The following UST variants were observed in gnomAD, a reference collection of about 807,000 sequenced individuals.
UST encodes uronyl 2-sulfotransferase.
Under a neutral mutation model 45.6 loss-of-function variants are expected in UST, and 21 were observed. The ratio of observed to expected loss-of-function variants is 0.46; its 90% CI spans 0.33 to 0.66. The LOEUF (loss-of-function observed/expected upper bound fraction) is 0.66. Among genes scored for constraint, UST ranks in the 30% least tolerant of loss-of-function variants. The pLI is 0.02. For synonymous variants in UST, 215 were observed against 200.6 expected (o/e 1.07, Z -0.61); for missense variants, 463 against 512.4 (o/e 0.90, Z 0.93).
chr6:149,034,834 T>TTCTC (rs60813679), intron 7 of UST, among the ~76,000 whole-genome samples: 15 of 45,752 alleles, frequency 3.3e-4, no homozygotes, highest in East Asian at 1.5e-3. Context: ...TTCATGCTCA[T>TTCTC]TCTCTCTCTC....
chr6:148,854,684 G>C (rs1778168886), intron 1 of UST, among the ~76,000 whole-genome samples: 1 of 152,082 alleles, frequency 6.6e-6, no homozygotes, highest in South Asian at 2.1e-4. Context: ...AGCTGGGGGA[G>C]GGCTGAGCTT....
chr6:148,881,403 G>A (rs1043230339), intron 1 of UST, among the ~76,000 whole-genome samples: 30 of 152,152 alleles, frequency 2.0e-4, no homozygotes, highest in African/African-American at 7.2e-4. Flanking sequence ...AACAAGGCTG[G>A]AATCAAAACT....
chr6:149,028,043 C>A (rs1164457905), intron 7 of UST, among the ~76,000 whole-genome samples: 1 of 151,972 alleles, frequency 6.6e-6, no homozygotes, highest in Non-Finnish European at 1.5e-5. Flanking sequence ...GGGATTTCAC[C>A]ATGTTCATCA....
chr6:148,940,140 C>T (rs183554377), intron 2 of UST, among the ~76,000 whole-genome samples: 26 of 152,110 alleles, frequency 1.7e-4, no homozygotes, highest in South Asian at 8.3e-4. Flanking sequence ...AAATCGAAAT[C>T]ACAACGAGAT....
chr6:148,918,089 C>T (rs1025965268), intron 2 of UST, among the ~76,000 whole-genome samples: 12 of 152,242 alleles, frequency 7.9e-5, no homozygotes, highest in Non-Finnish European at 1.0e-4. Context: ...CCCAAGCCCT[C>T]GTGGGGTTAA....
At chr6:148,938,644 G>A (rs1780063549) in intron 2 of UST, among the ~76,000 whole-genome samples, 1 of 152,002 alleles carries the variant, frequency 6.6e-6, no homozygotes, top group African/African-American at 2.4e-5. Flanking sequence ...GCTGAATGAA[G>A]GAATCCTTTG....
intron 1 of UST, among the ~76,000 whole-genome samples, chr6:148,781,261 C>T (rs561956070): frequency 1.1e-4 from 17 of 152,210 alleles, no homozygotes; most frequent in East Asian, 1.9e-4. Context: ...AGTGCTATTC[C>T]GGTGAACACG....
intron 7 of UST, among the ~76,000 whole-genome samples, chr6:149,057,030 G>C (rs1365125681): frequency 6.6e-6 from 1 of 152,092 alleles, no homozygotes; most frequent in Admixed American, 6.5e-5. Flanking sequence ...ACTCACCATT[G>C]GTTCACTCAC....
chr6:148,913,021 G>A (rs895476070), intron 2 of UST, among the ~76,000 whole-genome samples: 3 of 152,130 alleles, frequency 2.0e-5, no homozygotes, highest in African/African-American at 7.2e-5. Flanking sequence ...TTAATGCCTG[G>A]TCCCTGTTTC....
intron 1 of UST, among the ~76,000 whole-genome samples, chr6:148,788,288 C>CA (rs1326077483): frequency 6.6e-6 from 1 of 152,040 alleles, no homozygotes; most frequent in Non-Finnish European, 1.5e-5. Flanking sequence ...GAGTATAATT[C>CA]AAGATGAGAT....
intron 1 of UST, among the ~76,000 whole-genome samples, chr6:148,842,146 A>C (rs1777903428): frequency 6.6e-6 from 1 of 152,194 alleles, no homozygotes; most frequent in South Asian, 2.1e-4. Context: ...CTCCCAGAGC[A>C]GCACATAGTG....
chr6:149,014,871 G>A (rs1004609449), intron 5 of UST, among the ~76,000 whole-genome samples: 3 of 152,224 alleles, frequency 2.0e-5, no homozygotes, highest in African/African-American at 4.8e-5. Context: ...TGTATCAGGT[G>A]CCCCATTGTT....
At chr6:148,994,465 G>A (rs1190308633) in intron 5 of UST, among the ~76,000 whole-genome samples, 1 of 152,186 alleles carries the variant, frequency 6.6e-6, no homozygotes, top group East Asian at 1.9e-4. Flanking sequence ...ATTAATGAAA[G>A]TATTCTAGCA....
chr6:148,956,661 C>G (rs1012500299), intron 4 of UST, among the ~76,000 whole-genome samples: 1 of 152,180 alleles, frequency 6.6e-6, no homozygotes, highest in Non-Finnish European at 1.5e-5. Flanking sequence ...CTGCCCAGCT[C>G]CTGACTCGGT....
At position 149,010,895 on chromosome 6, in the gene UST, C is replaced by CAAAAAAAAAA. The variant is rs1172538648; in HGVS notation, c.682-8229_682-8220dup. On this transcript the variant is annotated intron_variant, in intron 5 of 7. Transcript: ENST00000367463. ...AGACAGAGCAAGACTCCGTCTCAAC[C>CAAAAAAAAAA]AAAAAAAAAAAAAAAAAAAAAAAAC... Among the ~76,000 whole-genome samples the CAAAAAAAAAA allele has an allele frequency of 5.1e-3, 331 of 65,428 alleles. 8 individuals carry two copies. The highest frequency in any genetic ancestry group is 0.011 in the African/African-American group (173 of 15,088). 42.9% of individuals were successfully genotyped at this position (65,428 alleles called of 152,430 possible). A position where few individuals can be genotyped will look rare whatever the true frequency, so the allele number is the denominator to read the frequency against.
intron 5 of UST, 129 bp downstream of exon 5, chr6:148,964,692 G>C (rs1244664260): frequency 1.6e-6 from 2 of 1,234,214 alleles, no homozygotes; most frequent in African/African-American, 3.0e-5. Flanking sequence ...CGCAGAGAGG[G>C]TGCTTCCGCA....
rs869151182 is a variant in UST, at chr6:148,790,008, T to TC, written c.247+42333dup. ...AGGATTCTTTTTTTTTTTTTTTTTT[T>TC]CCAGCTTTAAGTGCCTATCCTTTTT... On this transcript the variant is annotated intron_variant, in intron 1 of 7. Transcript: ENST00000367463. The surrounding 1 kb of genome is among the most constrained non-coding windows in gnomAD (Gnocchi z 4.2). 7.0e-6 allele frequency among the ~76,000 whole-genome samples: 1 copy of TC among 143,246 alleles called. No individual in the cohort carries two copies. Among genetic ancestry groups the TC allele is most frequent in the East Asian group, 1.9e-4 (1 of 5,166 alleles). 94.0% of individuals were successfully genotyped at this position (143,246 alleles called of 152,430 possible). A position where few individuals can be genotyped will look rare whatever the true frequency, so the allele number is the denominator to read the frequency against.
intron 1 of UST, among the ~76,000 whole-genome samples, chr6:148,838,220 G>A (rs963749558): frequency 6.6e-6 from 1 of 152,138 alleles, no homozygotes; most frequent in Non-Finnish European, 1.5e-5. Flanking sequence ...GCCTGAGGGC[G>A]GGGTGAGAGG....
chr6:148,837,689 T>G (rs1057247973), intron 1 of UST, among the ~76,000 whole-genome samples: 1 of 143,168 alleles, frequency 7.0e-6, no homozygotes, highest in African/African-American at 2.6e-5. Flanking sequence ...AGGTCCCTCT[T>G]TTTTTTTTTT....
Sources: gnomAD v4.1 joint callset for allele counts (sites outside exome capture counted in the v4.1 genomes callset) on GRCh38, gnomAD v4.1.1 for gene constraint, Gnocchi (gnomAD v3.1) non-coding constraint, MANE v1.5 for transcripts, NCBI Gene and HGNC (gene_info 2026-07-23, HGNC 2026-07-21) for gene names.